MACROD2: variants seen among roughly 807,000 people sequenced by gnomAD.
MACROD2 encodes mono-ADP ribosylhydrolase 2.
MACROD2 carries 36 observed loss-of-function variants against 70.4 expected under a neutral mutation model. The ratio of observed to expected loss-of-function variants is 0.51; its 90% CI spans 0.39 to 0.68. The LOEUF (loss-of-function observed/expected upper bound fraction) is 0.68. Ranked by LOEUF, MACROD2 falls within the 30% of genes least tolerant of loss-of-function variation. MACROD2 has a pLI of 0.00. For synonymous variants in MACROD2, 172 were observed against 178.8 expected, an observed-to-expected ratio of 0.96 and a Z score of 0.30; for missense variants, 496 against 538.4, an observed-to-expected ratio of 0.92 and a Z score of 0.78.
At chr20:15,332,091 T>C (rs1334096217) in intron 6 of MACROD2, among the ~76,000 whole-genome samples, 2 of 151,498 alleles carry the variant, frequency 1.3e-5, no homozygotes, top group African/African-American at 4.9e-5. Context: ...GAAATGGGTA[T>C]TGTGTAGGAA....
chr20:14,349,013 G>A (rs1263540164), intron 3 of MACROD2, among the ~76,000 whole-genome samples: 1 of 151,928 alleles, frequency 6.6e-6, no homozygotes, highest in African/African-American at 2.4e-5. Context: ...GGTTACAGTG[G>A]GCCATGATCA....
At chr20:14,652,129 G>T (rs57367626) in intron 4 of MACROD2, among the ~76,000 whole-genome samples, 26,384 of 151,960 alleles carry the variant, frequency 0.17, 3,003 homozygotes, top group Non-Finnish European at 0.24. Flanking sequence ...GCCTCACATT[G>T]TATATCCTTA....
At chr20:15,152,166 T>G (rs2076274781) in intron 5 of MACROD2, among the ~76,000 whole-genome samples, 1 of 152,006 alleles carries the variant, frequency 6.6e-6, no homozygotes, top group South Asian at 2.1e-4. Flanking sequence ...TTCCGGCTAT[T>G]TGGAACCACT....
chr20:15,926,303 T>C (rs912961971), intron 10 of MACROD2, among the ~76,000 whole-genome samples: 3 of 152,188 alleles, frequency 2.0e-5, no homozygotes, highest in South Asian at 4.1e-4. Flanking sequence ...TTTTTCCTGA[T>C]TCATTTGTGA....
At chr20:14,096,082 T>A (rs1198920745) in intron 3 of MACROD2, among the ~76,000 whole-genome samples, 1 of 152,182 alleles carries the variant, frequency 6.6e-6, no homozygotes, top group Non-Finnish European at 1.5e-5. Flanking sequence ...AAGGATGAAT[T>A]AAGGTTAAAA....
intron 8 of MACROD2, among the ~76,000 whole-genome samples, chr20:15,580,618 T>C (rs945639653): frequency 9.2e-5 from 14 of 152,116 alleles, no homozygotes; most frequent in Non-Finnish European, 2.1e-4. Flanking sequence ...ATAAACTCAA[T>C]CTCCAAAATG....
chr20:15,088,728 ACT>A (rs966361546), intron 5 of MACROD2, among the ~76,000 whole-genome samples: 10 of 151,714 alleles, frequency 6.6e-5, no homozygotes, highest in African/African-American at 2.2e-4. Context: ...ATATATAATA[ACT>A]CTAACTTAAA....
At chr20:15,448,354 C>A (rs1450746908) in intron 7 of MACROD2, among the ~76,000 whole-genome samples, 1 of 152,104 alleles carries the variant, frequency 6.6e-6, no homozygotes, top group Non-Finnish European at 1.5e-5. Context: ...ACAAGCAAGG[C>A]CCCTGGAGGG....
intron 8 of MACROD2, among the ~76,000 whole-genome samples, chr20:15,666,544 A>G (rs549265925): frequency 2.6e-5 from 4 of 152,264 alleles, no homozygotes; most frequent in African/African-American, 7.2e-5. Context: ...AACCCTGTTC[A>G]TTATTGATTT....
chr20:14,025,349 C>T (rs759953931), intron 2 of MACROD2, among the ~76,000 whole-genome samples: 8 of 151,932 alleles, frequency 5.3e-5, no homozygotes, highest in Admixed American at 1.3e-4. Context: ...ACGGGTTTTT[C>T]GTGTCTGTAT....
chr20:15,169,361 C>A (rs1264358456), intron 5 of MACROD2, among the ~76,000 whole-genome samples: 4 of 152,096 alleles, frequency 2.6e-5, no homozygotes, highest in Non-Finnish European at 4.4e-5. Context: ...AAAGGAAGTG[C>A]AATACTTTTC....
At chr20:14,020,366 G>A (rs976773476) in intron 2 of MACROD2, among the ~76,000 whole-genome samples, 28 of 152,236 alleles carry the variant, frequency 1.8e-4, no homozygotes, top group African/African-American at 6.5e-4. Flanking sequence ...CCAGCTACTC[G>A]AGAGGCTGAG....
At chr20:15,939,348 T>C (rs113655852) in intron 12 of MACROD2, among the ~76,000 whole-genome samples, 2,071 of 152,256 alleles carry the variant, frequency 0.014, 46 homozygotes, top group African/African-American at 0.046. Flanking sequence ...CAACTTTAAG[T>C]TGAAGACAAT....
intron 8 of MACROD2, among the ~76,000 whole-genome samples, chr20:15,710,500 AT>A (rs2050610955): frequency 6.6e-6 from 1 of 152,216 alleles, no homozygotes; most frequent in South Asian, 2.1e-4. Flanking sequence ...TGCTGTCTCC[AT>A]TAAGCATGTT....
At chr20:15,292,225 T>G (rs2077546681) in intron 6 of MACROD2, among the ~76,000 whole-genome samples, 1 of 151,990 alleles carries the variant, frequency 6.6e-6, no homozygotes, top group Non-Finnish European at 1.5e-5. Context: ...ACAATAGAGG[T>G]AAAAAATTCC....
At chr20:14,800,456 G>C (rs1419052583) in intron 5 of MACROD2, among the ~76,000 whole-genome samples, 1 of 152,050 alleles carries the variant, frequency 6.6e-6, no homozygotes, top group Non-Finnish European at 1.5e-5. Context: ...GAAAATCATT[G>C]CCTACCAAAG....
chr20:15,377,441 AC>A (rs2045578830), intron 6 of MACROD2, among the ~76,000 whole-genome samples: 3 of 152,182 alleles, frequency 2.0e-5, no homozygotes, highest in Non-Finnish European at 4.4e-5. Flanking sequence ...AAATCTGAAA[AC>A]CGTTAAACTC....
At chr20:15,634,019 C>A (rs2049329518) in intron 8 of MACROD2, among the ~76,000 whole-genome samples, 1 of 152,224 alleles carries the variant, frequency 6.6e-6, no homozygotes, top group South Asian at 2.1e-4. Context: ...TATCCTTCAT[C>A]TTTCCCCACC....
At chr20:14,990,937 C>T (rs1374326204) in intron 5 of MACROD2, among the ~76,000 whole-genome samples, 1 of 152,176 alleles carries the variant, frequency 6.6e-6, no homozygotes, top group African/African-American at 2.4e-5. Flanking sequence ...ATATATTACT[C>T]ACATGCATTA....
Sources: allele counts gnomAD v4.1 joint callset (sites outside exome capture counted in the v4.1 genomes callset), GRCh38; gene constraint gnomAD v4.1.1; transcripts MANE v1.5; gene names NCBI Gene and HGNC (gene_info 2026-07-23, HGNC 2026-07-21).